The following KDM2A variants were observed in gnomAD, a reference collection of about 807,000 sequenced individuals.
The protein encoded by KDM2A is lysine-specific demethylase 2A.
Under a neutral mutation model 137.3 loss-of-function variants are expected in KDM2A, and 3 were observed. The observed-to-expected ratio is 0.02, with a 90% confidence interval of 0.01 to 0.06. The LOEUF (loss-of-function observed/expected upper bound fraction) is 0.06. Among genes scored for constraint, KDM2A ranks in the 10% least tolerant of loss-of-function variants. The pLI is 1.00. For synonymous variants in KDM2A, 512 were observed against 541.5 expected, an observed-to-expected ratio of 0.95 and a Z score of 0.76; for missense variants, 738 against 1,510.6, an observed-to-expected ratio of 0.49 and a Z score of 8.48.
In KDM2A at chr11:67,217,713, A is replaced by C; in HGVS notation, c.688-18A>C. The C allele has an allele frequency of 1.2e-6, 2 of 1,612,760 alleles. No homozygotes were observed. Among genetic ancestry groups the C allele is most frequent in the Non-Finnish European group, 1.7e-6 (2 of 1,179,330 alleles). On this transcript the variant is annotated intron_variant, in intron 8 of 20. Coordinates refer to ENST00000529006, the MANE Select transcript of KDM2A (RefSeq NM_012308.3). ...CATGTCAATGGCTGTTAACAGACTA[A>C]AGTTTTTTAACTCACAGGTCTTCTG...
chr11:67,169,759 C>CTCTCTCTT (rs756503460), intron 2 of KDM2A, among the ~76,000 whole-genome samples: 13 of 65,690 alleles, frequency 2.0e-4, no homozygotes, highest in East Asian at 5.2e-4. Flanking sequence ...CTCTCTCTCT[C>CTCTCTCTT]TTTTTTTTTT....
intron 12 of KDM2A, chr11:67,240,021 C>T: frequency 7.7e-7 from 1 of 1,294,898 alleles, no homozygotes; most frequent in African/African-American, 1.5e-5. Context: ...CTCACTCTCG[C>T]TCGGCTCCCC....
intron 10 of KDM2A, chr11:67,219,733 G>A (rs980391873): frequency 3.2e-5 from 5 of 156,348 alleles, no homozygotes; most frequent in African/African-American, 4.9e-5. Context: ...AATTTTTTTC[G>A]TAGAGACTTG....
At chr11:67,207,739 T>A in intron 6 of KDM2A, 51 bp downstream of exon 6, 1 of 1,429,286 alleles carries the variant, frequency 7.0e-7, no homozygotes, top group Non-Finnish European at 9.4e-7. Context: ...AAGGGTTGTT[T>A]TCGGCTGGAC....
intron 18 of KDM2A, among the ~76,000 whole-genome samples, chr11:67,253,219 G>A (rs1042779355): frequency 1.3e-5 from 2 of 152,126 alleles, no homozygotes; most frequent in Non-Finnish European, 2.9e-5. Flanking sequence ...TAGAAAGACA[G>A]GAAGTCACTC....
chr11:67,127,096 T>C (rs1223160575), intron 2 of KDM2A, among the ~76,000 whole-genome samples: 1 of 152,148 alleles, frequency 6.6e-6, no homozygotes, highest in Non-Finnish European at 1.5e-5. Context: ...GATTTATTTC[T>C]GTATTTCTTT....
chr11:67,145,414 C>T (rs1293915028), intron 2 of KDM2A, among the ~76,000 whole-genome samples: 4 of 151,706 alleles, frequency 2.6e-5, no homozygotes, highest in Non-Finnish European at 4.4e-5. Flanking sequence ...TGCTTGAACC[C>T]GGGAGGTGTA....
chr11:67,248,328 A>G lies in KDM2A; in HGVS notation c.2013A>G (p.Glu671=). 1 of 1,608,690 alleles carries G rather than the reference A, an allele frequency of 6.2e-7. No individual in the cohort carries two copies. Residue 671 remains glutamate (E), a synonymous_variant, in exon 16 of 21, where the codon GAA becomes GAG. Coordinates refer to ENST00000529006, the MANE Select transcript of KDM2A (RefSeq NM_012308.3). ...LLNEELPNCW[E]CPKCYQEDSS... ...ACGAAGAATTGCCAAATTGCTGGGA[A>G]TGTCCAAAGTGCTACCAGGAGGACA...
chr11:67,193,236 C>T (rs200125254), intron 5 of KDM2A, among the ~76,000 whole-genome samples: 2 of 152,032 alleles, frequency 1.3e-5, no homozygotes, highest in African/African-American at 2.4e-5. Flanking sequence ...GTGATCCACC[C>T]GCCTCAGCCT....
At chr11:67,128,383 C>G (rs1197915920) in intron 2 of KDM2A, among the ~76,000 whole-genome samples, 1 of 151,128 alleles carries the variant, frequency 6.6e-6, no homozygotes, top group Admixed American at 6.6e-5. Flanking sequence ...TTATTTTAAG[C>G]CTTTTTTTTT....
chr11:67,222,189 T>C (rs1307669519), intron 10 of KDM2A, among the ~76,000 whole-genome samples: 3 of 111,088 alleles, frequency 2.7e-5, no homozygotes, highest in African/African-American at 1.1e-4. Flanking sequence ...TGAACAAAGG[T>C]CTCTGGTTTT....
intron 12 of KDM2A, among the ~76,000 whole-genome samples, chr11:67,242,067 C>G (rs1859060526): frequency 6.6e-6 from 1 of 152,030 alleles, no homozygotes; most frequent in South Asian, 2.1e-4. Context: ...GAGTGAGACT[C>G]CATCTAAAAA....
intron 2 of KDM2A, among the ~76,000 whole-genome samples, chr11:67,166,687 A>G (rs554393752): frequency 2.3e-4 from 35 of 151,664 alleles, no homozygotes; most frequent in Non-Finnish European, 4.1e-4. Flanking sequence ...CAGATCAGGT[A>G]TCTGTACTAA....
intron 5 of KDM2A, among the ~76,000 whole-genome samples, chr11:67,182,516 A>G (rs2136337284): frequency 6.8e-6 from 1 of 147,524 alleles, no homozygotes; most frequent in Admixed American, 7.2e-5. Flanking sequence ...GATGGTCAGT[A>G]AAATTGAATA....
intron 10 of KDM2A, among the ~76,000 whole-genome samples, chr11:67,226,733 G>GA (rs1406254942): frequency 6.6e-6 from 1 of 152,086 alleles, no homozygotes; most frequent in African/African-American, 2.4e-5. Context: ...AAAAACAAAC[G>GA]AAAATCAATC....
At chr11:67,168,619 A>G (rs998714104) in intron 2 of KDM2A, among the ~76,000 whole-genome samples, 2 of 129,406 alleles carry the variant, frequency 1.5e-5, no homozygotes, top group African/African-American at 3.3e-5. Context: ...ACACACACAC[A>G]CACACACACA....
chr11:67,148,088 G>T (rs1856297603), intron 2 of KDM2A, among the ~76,000 whole-genome samples: 1 of 152,036 alleles, frequency 6.6e-6, no homozygotes, highest in South Asian at 2.1e-4. Flanking sequence ...CTAGATCGCT[G>T]ATTTGTTACA....
chr11:67,238,077 TTA>T (rs1858922703), intron 12 of KDM2A, among the ~76,000 whole-genome samples: 1 of 152,226 alleles, frequency 6.6e-6, no homozygotes, highest in Non-Finnish European at 1.5e-5. Context: ...GCATATATGC[TTA>T]AAGTTACATA....
At chr11:67,183,453 G>C (rs1363108272) in intron 5 of KDM2A, among the ~76,000 whole-genome samples, 3 of 152,230 alleles carry the variant, frequency 2.0e-5, no homozygotes, top group Non-Finnish European at 4.4e-5. Context: ...ATTGTAGGAA[G>C]ATGGCAGAGT....
Sources: gnomAD v4.1 joint callset for allele counts (sites outside exome capture counted in the v4.1 genomes callset) on GRCh38, gnomAD v4.1.1 for gene constraint, MANE v1.5 for transcripts, NCBI Gene and HGNC (gene_info 2026-07-23, HGNC 2026-07-21) for gene names.